ANO3: variants seen among roughly 807,000 people sequenced by gnomAD.
ANO3 encodes the protein anoctamin-3.
A neutral mutation model predicts 144.8 loss-of-function variants in ANO3; 99 were observed. The ratio of observed to expected loss-of-function variants is 0.68; its 90% CI spans 0.58 to 0.81. The LOEUF (loss-of-function observed/expected upper bound fraction) is 0.81. Among genes scored for constraint, ANO3 ranks in the 30% least tolerant of loss-of-function variants. ANO3 has a pLI of 0.00. For synonymous variants in ANO3, 414 were observed against 392.6 expected, an observed-to-expected ratio of 1.05 and a Z score of -0.64; for missense variants, 905 against 1,202.2, an observed-to-expected ratio of 0.75 and a Z score of 3.66.
At chr11:26,389,097 G>A (rs1370130582) in intron 1 of ANO3, among the ~76,000 whole-genome samples, 4 of 152,076 alleles carry the variant, frequency 2.6e-5, no homozygotes. Flanking sequence ...GAGTCCTTAG[G>A]ATAATTGTGT....
intron 4 of ANO3, among the ~76,000 whole-genome samples, chr11:26,486,523 C>A (rs113357395): frequency 2.0e-5 from 3 of 152,036 alleles, no homozygotes; most frequent in African/African-American, 4.8e-5. Context: ...TGCTCTTTGG[C>A]GTGATCAAAA....
chr11:26,560,910 C>A, intron 14 of ANO3: 2 of 681,644 alleles, frequency 2.9e-6, no homozygotes, highest in South Asian at 4.6e-5. Context: ...GATGATACAT[C>A]CTGTCTACAT....
intron 14 of ANO3, among the ~76,000 whole-genome samples, chr11:26,588,763 T>C (rs1254791529): frequency 6.6e-6 from 1 of 152,218 alleles, no homozygotes; most frequent in Non-Finnish European, 1.5e-5. Flanking sequence ...CACTGTATGT[T>C]GTACTTGCTT....
upstream of ANO3, chr11:26,332,113 C>A: frequency 1.4e-6 from 2 of 1,480,394 alleles, no homozygotes; most frequent in East Asian, 2.5e-5. Context: ...ACAACGACAC[C>A]GGCGGGCGCG....
intron 4 of ANO3, among the ~76,000 whole-genome samples, chr11:26,474,523 AAGTC>A (rs1409688868): frequency 1.3e-5 from 2 of 151,906 alleles, no homozygotes; most frequent in African/African-American, 4.8e-5. Context: ...TCAAAATAGA[AAGTC>A]AGAAAAACAT....
chr11:26,527,899 C>T (rs2134172101), intron 7 of ANO3, among the ~76,000 whole-genome samples: 1 of 152,302 alleles, frequency 6.6e-6, no homozygotes, highest in Non-Finnish European at 1.5e-5. Flanking sequence ...TCCCCACCCA[C>T]ACACCCCATG....
At chr11:26,305,022 AAAAG>A (rs2133865846), upstream of ANO3, among the ~76,000 whole-genome samples, 1 of 152,160 alleles carries the variant, frequency 6.6e-6, no homozygotes, top group African/African-American at 2.4e-5. Flanking sequence ...TTTTTTAAAA[AAAAG>A]AAAAGGGTCC....
chr11:26,321,525 G>C (rs562437521), intron 1 of ANO3, among the ~76,000 whole-genome samples: 1 of 151,884 alleles, frequency 6.6e-6, no homozygotes, highest in South Asian at 2.1e-4. Context: ...TTTTTGACTA[G>C]ATTTTTTTCT....
intron 23 of ANO3, among the ~76,000 whole-genome samples, chr11:26,646,650 T>G (rs1320689387): frequency 6.6e-6 from 1 of 152,108 alleles, no homozygotes; most frequent in Non-Finnish European, 1.5e-5. Flanking sequence ...AAACTTCTTT[T>G]TATCAGTTAC....
At chr11:26,197,930 G>A (rs1851621693) in intron 1 of ANO3, among the ~76,000 whole-genome samples, 1 of 152,010 alleles carries the variant, frequency 6.6e-6, no homozygotes, top group South Asian at 2.1e-4. Context: ...TGACCCCATG[G>A]CATCTCACTC....
intron 14 of ANO3, chr11:26,565,021 T>C (rs1850510185): frequency 4.0e-6 from 3 of 748,402 alleles, no homozygotes; most frequent in Admixed American, 3.6e-5. Context: ...GTGACTATAA[T>C]GATCATCCCT....
At chr11:26,547,661 A>G in intron 12 of ANO3, 111 bp downstream of exon 12, 1 of 1,060,320 alleles carries the variant, frequency 9.4e-7, no homozygotes, top group Non-Finnish European at 1.4e-6. Context: ...ACTACAATTT[A>G]ATTTATTTGC....
At chr11:26,429,020 C>T (rs777714795) in intron 1 of ANO3, among the ~76,000 whole-genome samples, 4 of 152,132 alleles carry the variant, frequency 2.6e-5, no homozygotes, top group African/African-American at 7.2e-5. Context: ...AGGGCACAGC[C>T]GTGGCTCACT....
At chr11:26,314,707 G>A (rs149496881) in intron 1 of ANO3, among the ~76,000 whole-genome samples, 1 of 152,234 alleles carries the variant, frequency 6.6e-6, no homozygotes, top group East Asian at 1.9e-4. Flanking sequence ...CTCTCTTTGA[G>A]ACCCCAGGGT....
At chr11:26,590,933 C>A (rs1392141992) in intron 14 of ANO3, among the ~76,000 whole-genome samples, 1 of 152,066 alleles carries the variant, frequency 6.6e-6, no homozygotes, top group Non-Finnish European at 1.5e-5. Context: ...GGGAGGGGAC[C>A]CAAAGGGGGT....
intron 1 of ANO3, among the ~76,000 whole-genome samples, chr11:26,237,343 T>C (rs571671796): frequency 1.6e-3 from 245 of 152,260 alleles, no homozygotes; most frequent in Middle Eastern, 0.01. Flanking sequence ...TAATTGAGAT[T>C]TGATTACATT....
chr11:26,230,836 A>G (rs1460635416), intron 1 of ANO3, among the ~76,000 whole-genome samples: 1 of 143,908 alleles, frequency 6.9e-6, no homozygotes, highest in Admixed American at 6.9e-5. Context: ...AAAAAAAAAA[A>G]AAGTTTATCT....
rs575687530 is a variant in ANO3 at position 26,519,025 on chromosome 11, G to A, written c.692+2098G>A. Among the ~76,000 whole-genome samples, 19 of 152,088 alleles carry A rather than the reference G, an allele frequency of 1.2e-4. No homozygotes were observed. The South Asian group carries it at 4.0e-3, about 32-fold the overall frequency. ...AAAATGACCTGTTTTCTAATATCAGGACAAAATTGCTAAAGAAAAAATCTA... is the reference window on the plus strand; with the variant it reads ...AAAATGACCTGTTTTCTAATATCAGAACAAAATTGCTAAAGAAAAAATCTA... On this transcript the variant is annotated intron_variant, in intron 6 of 26. Transcript: ENST00000256737.
rs533180902 is a variant in ANO3 at position 26,430,065 on chromosome 11, G to A, written c.47-11853G>A. On this transcript the variant is annotated intron_variant, in intron 1 of 26. Transcript: ENST00000256737. ...TCGAGAACATCCTGGCCAACATGGT[G>A]AAACCCAGTCTCTACCAAAAATACA... is the stretch of plus-strand genomic sequence containing the variant. Among the ~76,000 whole-genome samples the A allele has an allele frequency of 7.2e-5, 11 of 151,998 alleles. No individual in the cohort carries two copies. In the East Asian group the frequency reaches 1.4e-3, roughly 19 times the overall value.
Sources: gnomAD v4.1 joint callset for allele counts (sites outside exome capture counted in the v4.1 genomes callset) on GRCh38, gnomAD v4.1.1 for gene constraint, MANE v1.5 for transcripts, NCBI Gene and HGNC (gene_info 2026-07-23, HGNC 2026-07-21) for gene names.